The following FMN1 variants were observed in gnomAD, a reference collection of about 807,000 sequenced individuals.
The protein encoded by FMN1 is formin-1.
In FMN1, 110 loss-of-function variants were observed where a neutral mutation model predicts 132.4. The ratio of observed to expected loss-of-function variants is 0.83; its 90% CI spans 0.71 to 0.97. The LOEUF is 0.97. Ranked by LOEUF, FMN1 falls within the 50% of genes least tolerant of loss-of-function variation. The pLI is 0.00. For missense variants in FMN1, 1,792 were observed against 1,705.3 expected (o/e 1.05, Z -0.90); for synonymous variants, 722 against 651.7 (o/e 1.11, Z -1.64).
At chr15:32,903,931 T>C (rs1180436953) in intron 12 of FMN1, among the ~76,000 whole-genome samples, 1 of 151,766 alleles carries the variant, frequency 6.6e-6, no homozygotes, top group Non-Finnish European at 1.5e-5. Context: ...TACGAAGAGT[T>C]GGAGGGGGGA....
At chr15:32,949,225 G>T (rs574412423) in intron 9 of FMN1, among the ~76,000 whole-genome samples, 1 of 152,000 alleles carries the variant, frequency 6.6e-6, no homozygotes, top group South Asian at 2.1e-4. Context: ...AAAAGAGCCC[G>T]AATAGCCAAG....
chr15:32,798,216 A>ACACACACCCC (rs1286307994), intron 19 of FMN1, among the ~76,000 whole-genome samples: 42 of 140,868 alleles, frequency 3.0e-4, no homozygotes, highest in African/African-American at 1.1e-3. Context: ...ACACACACAC[A>ACACACACCCC]CCCCGTCTAT....
intron 19 of FMN1, among the ~76,000 whole-genome samples, chr15:32,790,241 A>G (rs1164430775): frequency 6.6e-6 from 1 of 152,204 alleles, no homozygotes; most frequent in Non-Finnish European, 1.5e-5. Context: ...ATGTCTATGT[A>G]GCCAAATTCA....
chr15:33,053,218 C>T (rs1349641541), intron 6 of FMN1, among the ~76,000 whole-genome samples: 1 of 152,218 alleles, frequency 6.6e-6, no homozygotes, highest in Non-Finnish European at 1.5e-5. Flanking sequence ...TGCTAACACA[C>T]CACCATCCAC....
At chr15:32,784,112 T>C (rs2056769416) in intron 19 of FMN1, among the ~76,000 whole-genome samples, 2 of 152,116 alleles carry the variant, frequency 1.3e-5, no homozygotes, top group Non-Finnish European at 2.9e-5. Context: ...ATAAATGAGA[T>C]ATGGAGGAAA....
intron 10 of FMN1, among the ~76,000 whole-genome samples, chr15:32,925,845 G>C (rs2060946068): frequency 6.6e-6 from 1 of 152,158 alleles, no homozygotes; most frequent in Non-Finnish European, 1.5e-5. Flanking sequence ...CAGATTGCAT[G>C]AGCCCAGGAG....
At chr15:33,122,635 G>A (rs576041381) in intron 4 of FMN1, among the ~76,000 whole-genome samples, 1 of 152,274 alleles carries the variant, frequency 6.6e-6, no homozygotes, top group African/African-American at 2.4e-5. Context: ...ACTAGTGACA[G>A]GTACAATGTG....
At chr15:33,156,364 T>C (rs927021909) in intron 3 of FMN1, among the ~76,000 whole-genome samples, 5 of 144,752 alleles carry the variant, frequency 3.5e-5, no homozygotes, top group African/African-American at 1.3e-4. Context: ...CACTGCCGTC[T>C]CAACATCCTA....
At chr15:32,833,689 A>G (rs1192059736) in intron 17 of FMN1, among the ~76,000 whole-genome samples, 1 of 152,228 alleles carries the variant, frequency 6.6e-6, no homozygotes, top group Non-Finnish European at 1.5e-5. Flanking sequence ...GAAGGTCTCC[A>G]TTGAAAATAC....
intron 16 of FMN1, among the ~76,000 whole-genome samples, chr15:32,877,214 G>A (rs968873803): frequency 8.6e-5 from 13 of 152,040 alleles, no homozygotes; most frequent in African/African-American, 3.1e-4. Context: ...TTGAACCCGG[G>A]AGGCGGAAGT....
chr15:32,846,942 G>A (rs2058870811), intron 17 of FMN1, among the ~76,000 whole-genome samples: 1 of 152,094 alleles, frequency 6.6e-6, no homozygotes, highest in East Asian at 1.9e-4. Context: ...ATGTGAAAAG[G>A]GTGAATTCAC....
chr15:32,901,449 A>C lies in FMN1; in HGVS notation c.3507+462T>G, dbSNP rs73370843. 3.0e-3 allele frequency among the ~76,000 whole-genome samples: 458 copies of C among 152,326 alleles called. 1 individual carries two copies. Among genetic ancestry groups the C allele is most frequent in the African/African-American group, 0.011 (441 of 41,580 alleles). On this transcript the variant is annotated intron_variant, in intron 13 of 20. Transcript: ENST00000616417. ...AATGAACACCAGTGTAGTAAAGCCA[A>C]CAAATATTTCTTTGCCAATGACTCA...
chr15:33,188,854 G>C (rs1017978786), intron 2 of FMN1, among the ~76,000 whole-genome samples: 1 of 152,066 alleles, frequency 6.6e-6, no homozygotes. Flanking sequence ...GCCACTGACC[G>C]TGTGTGACCT....
At position 32,956,372 on chromosome 15, in the gene FMN1, T is replaced by TAAA. The variant is rs67741965; in HGVS notation, c.3138+7732_3138+7734dup. On this transcript the variant is annotated intron_variant, in intron 9 of 20. Coordinates refer to ENST00000616417, the MANE Select transcript of FMN1 (RefSeq NM_001277313.2). Reference sequence around the variant, plus strand: ...AGTCCTAACCACTCTTTTTTTTTTTTAAAAAAATAAGCAAATAAAATAAAC... The same window carrying TAAA: ...AGTCCTAACCACTCTTTTTTTTTTTTAAAAAAAAAATAAGCAAATAAAATAAAC... Among the ~76,000 whole-genome samples, 287 of 151,030 alleles carry TAAA rather than the reference T, an allele frequency of 1.9e-3. 2 individuals carry two copies. The highest frequency in any genetic ancestry group is 6.0e-3 in the African/African-American group (247 of 41,020).
At chr15:33,053,105 C>T (rs753478000) in intron 6 of FMN1, among the ~76,000 whole-genome samples, 2 of 152,142 alleles carry the variant, frequency 1.3e-5, no homozygotes, top group Admixed American at 6.6e-5. Context: ...TCTTCTTGAA[C>T]GCTGGACAAG....
intron 4 of FMN1, among the ~76,000 whole-genome samples, chr15:33,124,917 G>A (rs781209683): frequency 2.0e-5 from 3 of 151,636 alleles, no homozygotes; most frequent in Admixed American, 6.6e-5. Flanking sequence ...AAATGTTAAA[G>A]ATACTATGTG....
intron 9 of FMN1, among the ~76,000 whole-genome samples, chr15:32,946,282 A>G (rs969540148): frequency 1.3e-5 from 2 of 152,132 alleles, no homozygotes; most frequent in East Asian, 1.9e-4. Context: ...GGTGAATGGC[A>G]TAACATAGTG....
At chr15:33,079,066 AG>A (rs1235602792) in intron 5 of FMN1, among the ~76,000 whole-genome samples, 1 of 152,240 alleles carries the variant, frequency 6.6e-6, no homozygotes, top group Non-Finnish European at 1.5e-5. Context: ...TACAATTCCT[AG>A]AAAAATTCCT....
intron 10 of FMN1, among the ~76,000 whole-genome samples, chr15:32,922,970 A>C (rs1036067189): frequency 5.3e-5 from 8 of 152,248 alleles, no homozygotes; most frequent in Non-Finnish European, 7.3e-5. Flanking sequence ...GAAAACAATC[A>C]ATAAATGTGA....
Sources: gnomAD v4.1 joint callset for allele counts (sites outside exome capture counted in the v4.1 genomes callset) on GRCh38, gnomAD v4.1.1 for gene constraint, MANE v1.5 for transcripts, NCBI Gene and HGNC (gene_info 2026-07-23, HGNC 2026-07-21) for gene names.